Variants in ANO6 observed in about 807,000 individuals in gnomAD.
ANO6 encodes the protein anoctamin-6.
In ANO6, 106 loss-of-function variants were observed where a neutral mutation model predicts 117.5. The ratio of observed to expected loss-of-function variants is 0.90; its 90% confidence interval spans 0.77 to 1.06. The LOEUF is 1.06. Among genes scored for constraint, ANO6 ranks in the 50% least tolerant of loss-of-function variants. The pLI is 0.00. For missense variants in ANO6, 955 were observed against 1,121.1 expected (o/e 0.85, Z 2.12); for synonymous variants, 367 against 385.1 (o/e 0.95, Z 0.55).
chr12:45,266,807 TGTG>T (rs1938233105), intron 1 of ANO6, among the ~76,000 whole-genome samples: 1 of 11,108 alleles, frequency 9.0e-5, no homozygotes, highest in Non-Finnish European at 2.0e-3. Flanking sequence ...AAAAAACAAG[TGTG>T]TGTGTGTGTG....
intron 12 of ANO6, among the ~76,000 whole-genome samples, chr12:45,394,796 T>C (rs539968832): frequency 6.6e-6 from 1 of 152,278 alleles, no homozygotes; most frequent in African/African-American, 2.4e-5. Context: ...TTGAAACCAA[T>C]GAGAACAAAG....
At chr12:45,407,084 T>C (rs1214179593) in intron 15 of ANO6, among the ~76,000 whole-genome samples, 1 of 152,182 alleles carries the variant, frequency 6.6e-6, no homozygotes, top group Non-Finnish European at 1.5e-5. Context: ...GAAGTCAAGA[T>C]TGAGCTCCCT....
At chr12:45,399,557 A>C (rs1942729122) in intron 12 of ANO6, among the ~76,000 whole-genome samples, 1 of 151,794 alleles carries the variant, frequency 6.6e-6, no homozygotes, top group South Asian at 2.1e-4. Context: ...ATGGGCACTA[A>C]CAGATGTCTC....
At chr12:45,281,296 G>T (rs923241039) in intron 1 of ANO6, among the ~76,000 whole-genome samples, 1 of 152,144 alleles carries the variant, frequency 6.6e-6, no homozygotes, top group Non-Finnish European at 1.5e-5. Context: ...TTTTTAACCA[G>T]CCTTCTTTAA....
intron 1 of ANO6, among the ~76,000 whole-genome samples, chr12:45,267,809 CTTG>C (rs1406693199): frequency 2.6e-5 from 4 of 152,026 alleles, no homozygotes; most frequent in African/African-American, 7.2e-5. Flanking sequence ...ATAGCACTTA[CTTG>C]TTGTAAATTA....
chr12:45,224,208 A>G (rs1177116053), intron 1 of ANO6, among the ~76,000 whole-genome samples: 6 of 152,170 alleles, frequency 3.9e-5, no homozygotes, highest in African/African-American at 1.4e-4. Flanking sequence ...GGACAGCTCT[A>G]TTGGGGCAGC....
chr12:45,232,435 A>G (rs145386393), intron 1 of ANO6, among the ~76,000 whole-genome samples: 1 of 152,358 alleles, frequency 6.6e-6, no homozygotes. Flanking sequence ...GAACCAGGAT[A>G]GCTGAGAACA....
At chr12:45,394,296 A>G (rs1042753296) in intron 12 of ANO6, among the ~76,000 whole-genome samples, 2 of 152,240 alleles carry the variant, frequency 1.3e-5, no homozygotes, top group Admixed American at 6.5e-5. Context: ...AAGAAGAGCT[A>G]AGAATCCTAA....
Position 45,431,086 on chromosome 12 carries a change from T to A in ANO6, c.*1775T>A. 4 of 985,434 alleles carry A rather than the reference T, an allele frequency of 4.1e-6. No homozygotes were observed. Among genetic ancestry groups the A allele is most frequent in the Non-Finnish European group, 4.8e-6 (4 of 829,940 alleles). 61.0% of individuals were successfully genotyped at this position (985,434 alleles called of 1,614,324 possible). On this transcript the variant is annotated 3_prime_UTR_variant, in exon 20 of 20. Coordinates refer to ENST00000320560, the MANE Select transcript of ANO6 (RefSeq NM_001025356.3). The stretch of plus-strand genomic sequence containing the variant: ...TGTAGGATCCATCAAAGCAGTATTG[T>A]AGGCTTTTGAATTGTCCCAGTGGAT...
At chr12:45,278,832 C>T (rs1339730586) in intron 1 of ANO6, among the ~76,000 whole-genome samples, 1 of 152,118 alleles carries the variant, frequency 6.6e-6, no homozygotes, top group African/African-American at 2.4e-5. Flanking sequence ...TGGCATTTGG[C>T]AATTATGCAC....
Position 45,314,488 on chromosome 12 carries a change from C to G in ANO6, c.150+12395C>G, listed in dbSNP as rs181314921. Among the ~76,000 whole-genome samples, 1,442 of 149,724 alleles carry G rather than the reference C, an allele frequency of 9.6e-3. 25 individuals carry two copies. The highest frequency in any genetic ancestry group is 0.033 in the African/African-American group (1,357 of 40,940). Reference sequence around the variant, plus strand: ...TATATTATATATACACACACACACACACACATATATACATATATACACATA... The same window carrying G: ...TATATTATATATACACACACACACAGACACATATATACATATATACACATA... On this transcript the variant is annotated intron_variant, in intron 2 of 19. Transcript: ENST00000320560.
chr12:45,406,784 A>T lies in ANO6; in HGVS notation c.1881-2573A>T, dbSNP rs116816387. 6.6e-3 allele frequency among the ~76,000 whole-genome samples: 1,003 copies of T among 152,288 alleles called. 7 individuals are homozygous for T. Among genetic ancestry groups the T allele is most frequent in the African/African-American group, 0.022 (906 of 41,560 alleles). On this transcript the variant is annotated intron_variant, in intron 15 of 19. Coordinates refer to ENST00000320560, the MANE Select transcript of ANO6 (RefSeq NM_001025356.3). ...ATAGTGAAGGATGCTTGTATTTCAA[A>T]ATTAGCAAGTGGGAATACTGTAGAA...
intron 10 of ANO6, among the ~76,000 whole-genome samples, chr12:45,384,218 G>A (rs1942239983): frequency 6.6e-6 from 1 of 152,168 alleles, no homozygotes. Context: ...GGGGGTTCTG[G>A]CCTTGCTCTG....
intron 17 of ANO6, among the ~76,000 whole-genome samples, chr12:45,420,601 T>A (rs760528659): frequency 6.6e-6 from 1 of 152,102 alleles, no homozygotes; most frequent in Non-Finnish European, 1.5e-5. Context: ...CAAGATCTTA[T>A]CTCACTATCT....
At chr12:45,432,677 C>CACTT (rs555670463), downstream of ANO6, among the ~76,000 whole-genome samples, 423 of 152,302 alleles carry the variant, frequency 2.8e-3, 2 homozygotes, top group Non-Finnish European at 5.0e-3. Context: ...TCTGCAATAG[C>CACTT]ACTTATAAAT....
At chr12:45,426,495 A>G (rs1250534049) in intron 19 of ANO6, among the ~76,000 whole-genome samples, 3 of 151,974 alleles carry the variant, frequency 2.0e-5, no homozygotes, top group East Asian at 1.9e-4. Flanking sequence ...TCTTTCTATC[A>G]TGCTTTCACC....
rs964772842 is a variant in ANO6, at chr12:45,432,347, C to A, written c.*3036C>A. 3.6e-5 allele frequency: 30 copies of A among 824,762 alleles called. No individual in the cohort carries two copies. The African/African-American group carries it at 5.3e-4, about 14-fold the overall frequency. The allele number at this position is 824,762 out of a possible 1,614,324, so 51.1% of individuals were successfully genotyped here. A position where few individuals can be genotyped will look rare whatever the true frequency, so the allele number is the denominator to read the frequency against. ...ATTTTAATAAATTCATTTTTACAAA[C>A]AATAGTATGGTCTATTCTATATTGT... is the stretch of plus-strand genomic sequence containing the variant. On this transcript the variant is annotated 3_prime_UTR_variant, in exon 20 of 20. Transcript: ENST00000320560.
chr12:45,250,761 T>TA (rs1237444756), intron 1 of ANO6, among the ~76,000 whole-genome samples: 8,978 of 116,474 alleles, frequency 0.077, 588 homozygotes, highest in African/African-American at 0.18. Flanking sequence ...TCTGGTTACT[T>TA]AAAAAAAAAA....
chr12:45,231,493 A>C (rs1947573792), intron 1 of ANO6, among the ~76,000 whole-genome samples: 1 of 152,326 alleles, frequency 6.6e-6, no homozygotes, highest in Admixed American at 6.5e-5. Context: ...AAATGAAAGG[A>C]AGAAGGCTGT....
Sources: gnomAD v4.1 joint callset for allele counts (sites outside exome capture counted in the v4.1 genomes callset) on GRCh38, gnomAD v4.1.1 for gene constraint, MANE v1.5 for transcripts, NCBI Gene and HGNC (gene_info 2026-07-23, HGNC 2026-07-21) for gene names.